ANKRD12: variants seen among roughly 807,000 people sequenced by gnomAD.
ANKRD12 encodes the protein ankyrin repeat domain 12.
In ANKRD12, 85 loss-of-function variants were observed where a neutral mutation model predicts 183.4. The ratio of observed to expected loss-of-function variants is 0.46; its 90% CI spans 0.39 to 0.56. The LOEUF is 0.56. Ranked by LOEUF, ANKRD12 falls within the 20% of genes least tolerant of loss-of-function variation. The pLI is 0.00. For missense variants in ANKRD12, 2,405 were observed against 2,357.1 expected (o/e 1.02, Z -0.42); for synonymous variants, 914 against 800.2 (o/e 1.14, Z -2.40).
intron 1 of ANKRD12, among the ~76,000 whole-genome samples, chr18:9,178,419 A>G (rs1443672463): frequency 6.6e-6 from 1 of 152,070 alleles, no homozygotes. Flanking sequence ...AGTGAATTAC[A>G]TTGACAGATT....
intron 1 of ANKRD12, among the ~76,000 whole-genome samples, chr18:9,147,269 G>A (rs943062731): frequency 6.6e-6 from 1 of 152,096 alleles, no homozygotes; most frequent in Non-Finnish European, 1.5e-5. Context: ...TAAGGCTAAA[G>A]TACGTGCCTG....
rs1357092305 is a variant in ANKRD12, at chr18:9,254,660, G to T, written c.1393G>T (p.Glu465Ter). Residue 465 changes from glutamate (E) to a stop codon, truncating the protein, a stop_gained, in exon 9 of 13, where the codon GAA becomes TAA. Coordinates refer to ENST00000262126, the MANE Select transcript of ANKRD12 (RefSeq NM_015208.5). LOFTEE classifies it high-confidence loss of function. ...QTKKEYVVSG[E>*]HKQKGKVKRK... ...CAAAAAGGAATATGTAGTTTCAGGTGAACACAAACAGAAAGGCAAAGTTAA... is the reference window on the plus strand; with the variant it reads ...CAAAAAGGAATATGTAGTTTCAGGTTAACACAAACAGAAAGGCAAAGTTAA... The T allele has an allele frequency of 1.3e-6, 2 of 1,553,330 alleles. No individual in the cohort carries two copies. The highest frequency in any genetic ancestry group is 2.5e-5 in the South Asian group (2 of 79,464).
intron 10 of ANKRD12, among the ~76,000 whole-genome samples, chr18:9,269,377 A>T (rs2039476281): frequency 6.6e-6 from 1 of 151,494 alleles, no homozygotes; most frequent in Non-Finnish European, 1.5e-5. Flanking sequence ...CTATACTACA[A>T]GGCTACAGTA....
At chr18:9,169,001 T>A (rs2032393650) in intron 1 of ANKRD12, among the ~76,000 whole-genome samples, 1 of 152,116 alleles carries the variant, frequency 6.6e-6, no homozygotes. Context: ...CAGGAGCAGG[T>A]TGTTCAGTTT....
At chr18:9,240,393 A>G (rs1326792736) in intron 8 of ANKRD12, among the ~76,000 whole-genome samples, 20 of 152,132 alleles carry the variant, frequency 1.3e-4, no homozygotes. Flanking sequence ...TTTGCTTCAA[A>G]TGATTGCTTC....
chr18:9,271,548 G>A (rs2039607146), intron 10 of ANKRD12, among the ~76,000 whole-genome samples: 1 of 152,062 alleles, frequency 6.6e-6, no homozygotes, highest in Admixed American at 6.6e-5. Context: ...TATAGAGTTG[G>A]GGTCCCACTG....
chr18:9,162,808 G>A (rs1881529469), intron 1 of ANKRD12, among the ~76,000 whole-genome samples: 2 of 151,280 alleles, frequency 1.3e-5, no homozygotes, highest in African/African-American at 4.9e-5. Flanking sequence ...GTGATATTGA[G>A]TTTTTTTTCA....
chr18:9,155,554 G>GA (rs1471815150), intron 1 of ANKRD12, among the ~76,000 whole-genome samples: 1 of 152,200 alleles, frequency 6.6e-6, no homozygotes, highest in African/African-American at 2.4e-5. Context: ...CCTCTCCAAG[G>GA]AGAATATATC....
intron 2 of ANKRD12, among the ~76,000 whole-genome samples, chr18:9,184,003 A>G (rs1001017369): frequency 6.6e-6 from 1 of 152,186 alleles, no homozygotes; most frequent in Non-Finnish European, 1.5e-5. Flanking sequence ...ATTGTAATAC[A>G]CATCCTAATT....
chr18:9,185,863 A>G (rs2034013036), intron 2 of ANKRD12, among the ~76,000 whole-genome samples: 1 of 152,194 alleles, frequency 6.6e-6, no homozygotes, highest in Admixed American at 6.5e-5. Flanking sequence ...AAACATTTTA[A>G]ATGACCTTGA....
intron 12 of ANKRD12, among the ~76,000 whole-genome samples, chr18:9,280,634 C>T (rs199996371): frequency 6.6e-6 from 1 of 152,040 alleles, no homozygotes; most frequent in Non-Finnish European, 1.5e-5. Flanking sequence ...AAGAAAAATA[C>T]AAAAATTAGC....
At chr18:9,246,252 C>T (rs1439699772) in intron 8 of ANKRD12, among the ~76,000 whole-genome samples, 1 of 152,156 alleles carries the variant, frequency 6.6e-6, no homozygotes, top group Non-Finnish European at 1.5e-5. Flanking sequence ...TTACTATCTC[C>T]ACTCCATTTC....
Position 9,257,726 on chromosome 18 carries a change from C to G in ANKRD12, c.4459C>G (p.Pro1487Ala), listed in dbSNP as rs367860292. The change falls in exon 9 of 13, where the codon CCT (proline) becomes GCT (alanine). Residue 1487 changes from proline to alanine, a missense_variant. Physicochemically the swap from Pro to Ala is conservative, Grantham distance 27. Transcript: ENST00000262126. Reference sequence around the variant, plus strand: ...TGCTCAGGATCCGGCATCCTTTATGCCTCCACAGCAGCCTTGCTCTTTCCC... The same window carrying G: ...TGCTCAGGATCCGGCATCCTTTATGGCTCCACAGCAGCCTTGCTCTTTCCC... ...SCAQDPASFM[P>A]PQQPCSFPSQ... 3.1e-6 allele frequency: 5 copies of G among 1,613,968 alleles called. No individual in the cohort carries two copies. In the African/African-American group the frequency reaches 5.3e-5, roughly 17 times the overall value.
chr18:9,143,817 T>A (rs2078403141), intron 1 of ANKRD12, among the ~76,000 whole-genome samples: 1 of 151,140 alleles, frequency 6.6e-6, no homozygotes, highest in Admixed American at 6.6e-5. Context: ...ACCACCGCCC[T>A]CTTTAGTGTG....
intron 11 of ANKRD12, among the ~76,000 whole-genome samples, chr18:9,276,462 C>T (rs749047250): frequency 1.1e-4 from 16 of 152,230 alleles, no homozygotes; most frequent in South Asian, 2.1e-4. Flanking sequence ...TGCCTGTAAT[C>T]CCAGCACTTT....
At chr18:9,218,114 A>G (rs1279980285) in intron 7 of ANKRD12, among the ~76,000 whole-genome samples, 1 of 152,242 alleles carries the variant, frequency 6.6e-6, no homozygotes, top group East Asian at 1.9e-4. Context: ...TATGATAATA[A>G]AGGTTTCCCG....
chr18:9,187,585 A>G (rs528823044), intron 2 of ANKRD12, among the ~76,000 whole-genome samples: 1 of 152,292 alleles, frequency 6.6e-6, no homozygotes, highest in African/African-American at 2.4e-5. Flanking sequence ...TTTTATAGCA[A>G]TTTAATTTTT....
intron 1 of ANKRD12, among the ~76,000 whole-genome samples, chr18:9,174,368 T>G (rs2033054409): frequency 6.6e-6 from 1 of 152,226 alleles, no homozygotes; most frequent in African/African-American, 2.4e-5. Flanking sequence ...GATGGATTTC[T>G]CACCTTGTTG....
chr18:9,245,326 G>A lies in ANKRD12; in HGVS notation c.944-8885G>A, dbSNP rs372439749. On this transcript the variant is annotated intron_variant, in intron 8 of 12. Transcript: ENST00000262126. The stretch of plus-strand genomic sequence containing the variant: ...ATTAGCCAAGCTTGGTGGGGCACGC[G>A]TGTAGTACCAGCTACTTAGGGAGCT... 2.4e-4 allele frequency among the ~76,000 whole-genome samples: 36 copies of A among 151,690 alleles called. 1 individual carries two copies. Among genetic ancestry groups the A allele is most frequent in the African/African-American group, 7.0e-4 (29 of 41,394 alleles).
Sources: gnomAD v4.1 joint callset for allele counts (sites outside exome capture counted in the v4.1 genomes callset) on GRCh38, gnomAD v4.1.1 for gene constraint, MANE v1.5 for transcripts, NCBI Gene and HGNC (gene_info 2026-07-23, HGNC 2026-07-21) for gene names.